The following FAM151B variants were observed in gnomAD, a reference collection of about 807,000 sequenced individuals.
FAM151B encodes the protein family with sequence similarity 151 member B, also known as protein FAM151B.
Under a neutral mutation model 31.2 loss-of-function variants are expected in FAM151B, and 24 were observed. The ratio of observed to expected loss-of-function variants is 0.77; its 90% CI spans 0.56 to 1.08. The LOEUF (loss-of-function observed/expected upper bound fraction) is 1.08, where lower values mean the gene tolerates loss of function less well. Among genes scored for constraint, FAM151B ranks in the 50% least tolerant of loss-of-function variants. FAM151B has a pLI of 0.00. For synonymous variants in FAM151B, 105 were observed against 111.4 expected (o/e 0.94, Z 0.36); for missense variants, 293 against 328.6 (o/e 0.89, Z 0.84).
At chr5:80,534,482 A>T (rs1234320984) in intron 5 of FAM151B, among the ~76,000 whole-genome samples, 1 of 152,230 alleles carries the variant, frequency 6.6e-6, no homozygotes, top group Non-Finnish European at 1.5e-5. Flanking sequence ...GATACATCGT[A>T]TTAACAGCGT....
chr5:80,538,374 TTC>T (rs766216058), intron 5 of FAM151B, among the ~76,000 whole-genome samples: 3 of 30,152 alleles, frequency 9.9e-5, no homozygotes, highest in African/African-American at 4.7e-4. Flanking sequence ...GCCTTTCTTT[TTC>T]TTTCTTTCTT....
rs770670935 is a variant in FAM151B, at chr5:80,522,146, A to C, written c.671+8A>C. On this transcript the variant is annotated splice_region_variant and intron_variant, in intron 5 of 5. Coordinates refer to ENST00000282226, the MANE Select transcript of FAM151B (RefSeq NM_205548.3). Reference sequence around the variant, plus strand: ...GTTAAAGAAATCAAACAGGTATGTAATAGTTTAACAAATGTGTATGTGAGT... The same window carrying C: ...GTTAAAGAAATCAAACAGGTATGTACTAGTTTAACAAATGTGTATGTGAGT... 1.9e-6 allele frequency: 3 copies of C among 1,610,004 alleles called. No homozygotes were observed. In the South Asian group the frequency reaches 3.3e-5, roughly 18 times the overall value.
chr5:80,521,126 T>TTA (rs1284915397), intron 4 of FAM151B, among the ~76,000 whole-genome samples: 4 of 141,588 alleles, frequency 2.8e-5, no homozygotes, highest in Non-Finnish European at 6.1e-5. Context: ...CTTTTTTTTT[T>TTA]TTTTTTTTTT....
At position 80,493,471 on chromosome 5, in the gene FAM151B, C is replaced by A. The variant is rs186810498; in HGVS notation, c.25+5323C>A. Among the ~76,000 whole-genome samples, 951 of 152,134 alleles carry A rather than the reference C, an allele frequency of 6.3e-3. 5 individuals are homozygous for A. The highest frequency in any genetic ancestry group is 9.9e-3 in the Non-Finnish European group (672 of 68,006). The stretch of plus-strand genomic sequence containing the variant: ...GATAACCATAAGGTTTGACTGCCTG[C>A]GGGGTTGGGCAGAATCGAGCCATAT... On this transcript the variant is annotated intron_variant, in intron 1 of 5. Transcript: ENST00000282226.
chr5:80,489,667 G>A (rs1420990157), intron 1 of FAM151B, among the ~76,000 whole-genome samples: 5 of 152,204 alleles, frequency 3.3e-5, no homozygotes, highest in Non-Finnish European at 7.3e-5. Context: ...ACTCACGCCC[G>A]TAATCCCAGC....
intron 2 of FAM151B, among the ~76,000 whole-genome samples, chr5:80,507,765 G>A (rs147276041): frequency 1.3e-5 from 2 of 152,280 alleles, no homozygotes; most frequent in Admixed American, 6.5e-5. Context: ...AACCTGAAGG[G>A]CCTGCACAGA....
rs367658683 is a variant in FAM151B at position 80,496,799 on chromosome 5, ATTTTTTTTTT to A, written c.26-4973_26-4964del. Among the ~76,000 whole-genome samples the A allele has an allele frequency of 2.1e-3, 121 of 57,764 alleles. 1 individual carries two copies. Among genetic ancestry groups the A allele is most frequent in the African/African-American group, 5.1e-3 (86 of 16,998 alleles). The allele number at this position is 57,764 out of a possible 152,430, so 37.9% of individuals were successfully genotyped here. The stretch of plus-strand genomic sequence containing the variant: ...ATGGGAACTTTGCTCTTTTTGCTTA[ATTTTTTTTTT>A]TTTTTTTTTTTTTTTTTTTGAGACG... On this transcript the variant is annotated intron_variant, in intron 1 of 5. Coordinates refer to ENST00000282226, the MANE Select transcript of FAM151B (RefSeq NM_205548.3).
intron 1 of FAM151B, among the ~76,000 whole-genome samples, chr5:80,495,793 T>G (rs942288237): frequency 8.4e-6 from 1 of 119,660 alleles, no homozygotes; most frequent in Non-Finnish European, 1.6e-5. Flanking sequence ...TGCGCCACAC[T>G]GCACTCCAGC....
chr5:80,508,256 G>A (rs1295463177), intron 2 of FAM151B, among the ~76,000 whole-genome samples: 1 of 152,102 alleles, frequency 6.6e-6, no homozygotes, highest in Non-Finnish European at 1.5e-5. Flanking sequence ...TGTTTTTGTA[G>A]ACATGTGTTT....
At chr5:80,494,416 A>G (rs141272151) in intron 1 of FAM151B, among the ~76,000 whole-genome samples, 1 of 151,260 alleles carries the variant, frequency 6.6e-6, no homozygotes, top group African/African-American at 2.4e-5. Flanking sequence ...CTAACAGCAG[A>G]TTTTCTTTCT....
intron 2 of FAM151B, among the ~76,000 whole-genome samples, chr5:80,509,176 G>A (rs1014266797): frequency 6.6e-6 from 1 of 151,202 alleles, no homozygotes; most frequent in Non-Finnish European, 1.5e-5. Context: ...ATGAGGTCTC[G>A]CTATGTTGCC....
At chr5:80,512,926 G>C (rs1018120784) in intron 2 of FAM151B, among the ~76,000 whole-genome samples, 1 of 152,184 alleles carries the variant, frequency 6.6e-6, no homozygotes, top group East Asian at 1.9e-4. Context: ...TTGATTTTCT[G>C]GGATTTCAAA....
intron 1 of FAM151B, among the ~76,000 whole-genome samples, chr5:80,496,501 TACTC>T (rs1469572744): frequency 6.6e-6 from 1 of 152,226 alleles, no homozygotes; most frequent in Non-Finnish European, 1.5e-5. Context: ...TTTATTGTGA[TACTC>T]ACTTTATTCC....
At position 80,521,996 on chromosome 5, in the gene FAM151B, T is replaced by A. The variant is rs780155460; in HGVS notation, c.536-7T>A. ...AATAAAGTTAAATTTTTTTCTTTTCTTTTAAGGGTACAGTTGGACAATGGT... is the reference window on the plus strand; with the variant it reads ...AATAAAGTTAAATTTTTTTCTTTTCATTTAAGGGTACAGTTGGACAATGGT... On this transcript the variant is annotated splice_polypyrimidine_tract_variant and splice_region_variant and intron_variant, in intron 4 of 5. Coordinates refer to ENST00000282226, the MANE Select transcript of FAM151B (RefSeq NM_205548.3). The A allele has an allele frequency of 5.9e-6, 9 of 1,535,310 alleles. No individual in the cohort carries two copies. The Middle Eastern group carries it at 5.2e-4, about 88-fold the overall frequency.
In FAM151B at chr5:80,519,854, A is replaced by G. The variant is rs778247560; in HGVS notation, c.479A>G (p.Asp160Gly). 1.1e-5 allele frequency: 18 copies of G among 1,614,064 alleles called. No individual in the cohort carries two copies. In the Middle Eastern group the frequency reaches 6.6e-4, roughly 59 times the overall value. ...FLDTVISFFP[D>G]VTFSLGWTTG... ...GACACCGTGATATCCTTCTTTCCAG[A>G]CGTGACGTTTTCCCTGGGTTGGACA... is the stretch of plus-strand genomic sequence containing the variant. The change falls in exon 4 of 6, where the codon GAC (aspartate) becomes GGC (glycine). Residue 160 changes from aspartate (D) to glycine (G), a missense_variant. Coordinates refer to ENST00000282226, the MANE Select transcript of FAM151B (RefSeq NM_205548.3).
At chr5:80,521,400 A>AC (rs1554057403) in intron 4 of FAM151B, among the ~76,000 whole-genome samples, 1 of 152,140 alleles carries the variant, frequency 6.6e-6, no homozygotes, top group African/African-American at 2.4e-5. Context: ...TGCTGGGATT[A>AC]CAGGCATAAA....
rs1210384863 is a variant in FAM151B, at chr5:80,501,864, T to C, written c.98T>C (p.Ile33Thr). The C allele has an allele frequency of 6.2e-7, 1 of 1,605,530 alleles. No homozygotes were observed. Among genetic ancestry groups the C allele is most frequent in the Admixed American group, 1.7e-5 (1 of 59,278 alleles). The stretch of plus-strand genomic sequence containing the variant: ...ATTACAGCAGAAGACGGTGCTGAGA[T>C]CACCTGGTATCATGCAGCTAACCAC... ...SQITAEDGAE[I>T]TWYHAANHKA... Residue 33 changes from isoleucine to threonine, a missense_variant, in exon 2 of 6, where the codon ATC becomes ACC. By Grantham distance (89) the Ile-to-Thr change is moderately conservative. Coordinates refer to ENST00000282226, the MANE Select transcript of FAM151B (RefSeq NM_205548.3).
intron 3 of FAM151B, among the ~76,000 whole-genome samples, chr5:80,514,645 T>C (rs1744338724): frequency 6.6e-6 from 1 of 152,028 alleles, no homozygotes; most frequent in Non-Finnish European, 1.5e-5. Flanking sequence ...GCCAGAAATA[T>C]ACAGCAACAC....
In FAM151B at chr5:80,534,490, C is replaced by T. The variant is rs146569178; in HGVS notation, c.672-7183C>T. Among the ~76,000 whole-genome samples, 793 of 152,120 alleles carry T rather than the reference C, an allele frequency of 5.2e-3. 5 individuals are homozygous for T. Among genetic ancestry groups the T allele is most frequent in the African/African-American group, 0.018 (747 of 41,524 alleles). On this transcript the variant is annotated intron_variant, in intron 5 of 5. Coordinates refer to ENST00000282226, the MANE Select transcript of FAM151B (RefSeq NM_205548.3). ...TCACTGTGATACATCGTATTAACAGCGTGAAGGACAAAAACCATATGATCA... is the reference window on the plus strand; with the variant it reads ...TCACTGTGATACATCGTATTAACAGTGTGAAGGACAAAAACCATATGATCA...
Sources: gnomAD v4.1 joint callset for allele counts (sites outside exome capture counted in the v4.1 genomes callset) on GRCh38, gnomAD v4.1.1 for gene constraint, MANE v1.5 for transcripts, NCBI Gene and HGNC (gene_info 2026-07-23, HGNC 2026-07-21) for gene names.